Variants in TPO observed in about 807,000 individuals in gnomAD.
TPO encodes thyroid microsomal antigen.
A neutral mutation model predicts 96.9 loss-of-function variants in TPO; 78 were observed. The observed-to-expected ratio is 0.81, with a 90% CI of 0.67 to 0.97. TPO has a LOEUF of 0.97. Among genes scored for constraint, TPO ranks in the 50% least tolerant of loss-of-function variants. The probability of loss-of-function intolerance (pLI) is 0.00; values close to 1 mark genes in which losing one functional copy is unlikely to be tolerated. For synonymous variants in TPO, 547 were observed against 538.0 expected, an observed-to-expected ratio of 1.02 and a Z score of -0.23; for missense variants, 1,252 against 1,274.8, an observed-to-expected ratio of 0.98 and a Z score of 0.27.
At chr2:1,421,787 C>A (rs528728803) in intron 2 of TPO, among the ~76,000 whole-genome samples, 1 of 152,326 alleles carries the variant, frequency 6.6e-6, no homozygotes, top group South Asian at 2.1e-4. Flanking sequence ...ACACCTGCCA[C>A]CGATCCTGCG....
At chr2:1,436,486 C>A in intron 5 of TPO, 102 bp downstream of exon 5, 1 of 1,558,142 alleles carries the variant, frequency 6.4e-7, no homozygotes, top group Non-Finnish European at 8.7e-7. Context: ...GGATCTGTAT[C>A]CACCCCTGAG....
At chr2:1,542,386 C>A in intron 16 of TPO, 35 bp from the exon 17 acceptor site, 1 of 1,613,432 alleles carries the variant, frequency 6.2e-7, no homozygotes, top group Non-Finnish European at 8.5e-7. Flanking sequence ...AGTCAGAATT[C>A]AGACGTTATT....
intron 7 of TPO, among the ~76,000 whole-genome samples, chr2:1,467,944 C>T (rs543739437): frequency 4.7e-5 from 7 of 149,656 alleles, no homozygotes; most frequent in African/African-American, 9.8e-5. Flanking sequence ...ATATAATGAC[C>T]CTCTTTGTCT....
chr2:1,477,487 C>G lies in TPO; in HGVS notation c.1221C>G (p.His407Gln). ...AGGTCCCCTCCCTGACGGCACTGCA[C>G]ACGCTGTGGCTGCGCGAGCACAACC... ...ASEVPSLTAL[H>Q]TLWLREHNRL... is the part of the protein sequence containing the mutation. Residue 407 changes from histidine (H) to glutamine (Q), a missense_variant, in exon 8 of 17, where the codon CAC becomes CAG. Transcript: ENST00000329066. 1.3e-6 allele frequency: 2 copies of G among 1,530,968 alleles called. No individual in the cohort carries two copies. The highest frequency in any genetic ancestry group is 2.4e-5 in the South Asian group (2 of 83,680). The allele number at this position is 1,530,968 out of a possible 1,614,324, so 94.8% of individuals were successfully genotyped here.
At chr2:1,537,875 G>C (rs59444225) in intron 15 of TPO, among the ~76,000 whole-genome samples, 14 of 51,030 alleles carry the variant, frequency 2.7e-4, no homozygotes, top group Admixed American at 1.6e-3. Flanking sequence ...CCCCCCCACT[G>C]TGTGCAACCT....
intron 1 of TPO, among the ~76,000 whole-genome samples, chr2:1,383,192 G>A (rs1661836712): frequency 1.3e-5 from 2 of 152,122 alleles, no homozygotes; most frequent in African/African-American, 2.4e-5. Flanking sequence ...ACACAAGTGT[G>A]CGTGTGTCTT....
At chr2:1,413,616 C>A in intron 1 of TPO, 71 bp downstream of exon 1, 1 of 950,316 alleles carries the variant, frequency 1.1e-6, no homozygotes, top group Non-Finnish European at 1.3e-6. Context: ...TAAAGTGGCC[C>A]AAGAGTGGCT....
intron 1 of TPO, among the ~76,000 whole-genome samples, chr2:1,404,885 T>C (rs1662225693): frequency 6.6e-6 from 1 of 152,204 alleles, no homozygotes; most frequent in South Asian, 2.1e-4. Context: ...CCTTTCAAGA[T>C]TAATTTTATA....
intron 15 of TPO, among the ~76,000 whole-genome samples, chr2:1,538,728 G>A (rs371850090): frequency 7.2e-5 from 11 of 152,184 alleles, no homozygotes; most frequent in East Asian, 5.8e-4. Context: ...TGAGGAGGGC[G>A]AGGGCTGCCA....
intron 15 of TPO, among the ~76,000 whole-genome samples, chr2:1,525,214 T>C (rs1467868908): frequency 3.6e-5 from 2 of 55,530 alleles, no homozygotes; most frequent in Non-Finnish European, 7.2e-5. Context: ...TGCAACCTGC[T>C]CAAATCCCCT....
At chr2:1,478,102 ACT>A in intron 8 of TPO, 1 of 985,316 alleles carries the variant, frequency 1.0e-6, no homozygotes, top group South Asian at 4.7e-5. Flanking sequence ...TGAAGAACCG[ACT>A]CTGTGTGAGG....
rs1318538668 is a variant in TPO at position 1,425,841 on chromosome 2, C to T, written c.179+2712C>T. The stretch of plus-strand genomic sequence containing the variant: ...TCTGTAAAGTCATTGTTCTAGATGC[C>T]AGGATACAGAGATGAGTTCGATCAT... On this transcript the variant is annotated intron_variant, in intron 3 of 16. Transcript: ENST00000329066. Among the ~76,000 whole-genome samples, 48 of 151,102 alleles carry T rather than the reference C, an allele frequency of 3.2e-4. 1 individual carries two copies. The highest frequency in any genetic ancestry group is 1.1e-3 in the South Asian group (5 of 4,716).
At chr2:1,436,060 G>A (rs560451887) in intron 4 of TPO, among the ~76,000 whole-genome samples, 192 bp from the exon 5 acceptor site, 6 of 152,306 alleles carry the variant, frequency 3.9e-5, no homozygotes, top group Admixed American at 3.3e-4. Context: ...TAGCAATAAG[G>A]AAGCTCAAGG....
chr2:1,492,464 G>T (rs1172523420), intron 10 of TPO, among the ~76,000 whole-genome samples: 1 of 152,014 alleles, frequency 6.6e-6, no homozygotes, highest in Non-Finnish European at 1.5e-5. Flanking sequence ...CTCTAGAAGC[G>T]CAGATTTTGA....
intron 5 of TPO, among the ~76,000 whole-genome samples, chr2:1,443,167 A>C (rs1366800987): frequency 6.6e-6 from 1 of 152,036 alleles, no homozygotes. Context: ...AAGGGAATGG[A>C]GCCAGCTCCT....
At chr2:1,405,010 C>T (rs1379452953) in intron 1 of TPO, among the ~76,000 whole-genome samples, 3 of 152,108 alleles carry the variant, frequency 2.0e-5, no homozygotes, top group Non-Finnish European at 2.9e-5. Context: ...CATGTACCCA[C>T]GCAGCCATCC....
chr2:1,516,819 A>T, intron 14 of TPO, 64 bp from the exon 15 acceptor site: 1 of 1,495,884 alleles, frequency 6.7e-7, no homozygotes. Context: ...AGACTCAGGC[A>T]GGACAACCTG....
intron 5 of TPO, among the ~76,000 whole-genome samples, chr2:1,437,835 T>TGG (rs28909391): frequency 1.4e-4 from 14 of 103,194 alleles, no homozygotes; most frequent in African/African-American, 3.8e-4. Context: ...CCCTGAAGCC[T>TGG]GGGGGGGGGT....
chr2:1,510,093 G>A (rs1306180744), intron 14 of TPO, among the ~76,000 whole-genome samples: 1 of 152,176 alleles, frequency 6.6e-6, no homozygotes, highest in Admixed American at 6.5e-5. Context: ...ATATGAAATA[G>A]TATCCTCTCT....
Sources: allele counts gnomAD v4.1 joint callset (sites outside exome capture counted in the v4.1 genomes callset), GRCh38; gene constraint gnomAD v4.1.1; transcripts MANE v1.5; gene names NCBI Gene and HGNC (gene_info 2026-07-23, HGNC 2026-07-21).